Variants in FSTL4 observed in about 807,000 individuals in gnomAD.
FSTL4 encodes follistatin-related protein 4.
A neutral mutation model predicts 78.2 loss-of-function variants in FSTL4; 28 were observed. That is an observed-to-expected ratio of 0.36 (90% CI 0.27 to 0.49). The LOEUF is 0.49. Among genes scored for constraint, FSTL4 ranks in the 20% least tolerant of loss-of-function variants. The pLI is 0.98. For missense variants in FSTL4, 922 were observed against 1,084.9 expected (o/e 0.85, Z 2.11); for synonymous variants, 422 against 440.5 (o/e 0.96, Z 0.53).
intron 6 of FSTL4, among the ~76,000 whole-genome samples, chr5:133,267,819 T>C (rs2126843075): frequency 6.6e-6 from 1 of 152,190 alleles, no homozygotes; most frequent in African/African-American, 2.4e-5. Context: ...AAGAAGGTCA[T>C]GAGACATAGG....
chr5:133,570,736 T>A (rs1372058727), intron 2 of FSTL4, among the ~76,000 whole-genome samples: 1 of 152,174 alleles, frequency 6.6e-6, no homozygotes, highest in East Asian at 1.9e-4. Context: ...AAAAAAAGTT[T>A]TTGAAGGCAT....
chr5:133,404,772 G>A (rs948836388), intron 3 of FSTL4, among the ~76,000 whole-genome samples: 6 of 152,166 alleles, frequency 3.9e-5, no homozygotes, highest in Admixed American at 3.9e-4. Flanking sequence ...GCCCCAGAGA[G>A]AGTGAGTCTA....
intron 3 of FSTL4, among the ~76,000 whole-genome samples, chr5:133,422,929 C>A (rs1318875354): frequency 6.6e-6 from 1 of 152,208 alleles, no homozygotes; most frequent in African/African-American, 2.4e-5. Flanking sequence ...GTCTTAGAAA[C>A]AACACCCAAG....
At chr5:133,410,897 G>A (rs1756465204) in intron 3 of FSTL4, among the ~76,000 whole-genome samples, 1 of 152,142 alleles carries the variant, frequency 6.6e-6, no homozygotes, top group Non-Finnish European at 1.5e-5. Context: ...AACAATATCG[G>A]ACAATCTGAT....
intron 4 of FSTL4, among the ~76,000 whole-genome samples, chr5:133,383,631 A>C (rs539270766): frequency 1.3e-5 from 2 of 152,146 alleles, no homozygotes; most frequent in African/African-American, 4.8e-5. Context: ...GGGACACCTC[A>C]AACATTTGCT....
At chr5:133,253,984 C>T (rs191736699) in intron 6 of FSTL4, among the ~76,000 whole-genome samples, 1 of 152,304 alleles carries the variant, frequency 6.6e-6, no homozygotes, top group East Asian at 1.9e-4. Context: ...AAGATGACCT[C>T]ATGGGATGTT....
At chr5:133,676,722 A>G in the FSTL4 span, among the ~76,000 whole-genome samples, 1 of 152,240 alleles carries the variant, frequency 6.6e-6, no homozygotes, top group Non-Finnish European at 1.5e-5. Context: ...TTAGAATAAA[A>G]CTGAGTCAAT....
At chr5:133,525,960 G>A (rs1271062779) in intron 3 of FSTL4, among the ~76,000 whole-genome samples, 2 of 152,182 alleles carry the variant, frequency 1.3e-5, no homozygotes, top group Non-Finnish European at 2.9e-5. Flanking sequence ...TACATGCTCA[G>A]CACTGTGCTG....
intron 2 of FSTL4, among the ~76,000 whole-genome samples, chr5:133,568,537 A>T (rs903308375): frequency 3.5e-4 from 54 of 152,352 alleles, no homozygotes; most frequent in African/African-American, 1.2e-3. Flanking sequence ...CTGAGCAAAA[A>T]GCCCTGGTGG....
chr5:133,675,051 G>T, the FSTL4 span, among the ~76,000 whole-genome samples: 1 of 152,090 alleles, frequency 6.6e-6, no homozygotes, highest in Non-Finnish European at 1.5e-5. Flanking sequence ...GTCGTGATTT[G>T]TTCTCTAAGA....
At chr5:133,785,186 A>G in the FSTL4 span, among the ~76,000 whole-genome samples, 1 of 152,310 alleles carries the variant, frequency 6.6e-6, no homozygotes, top group Admixed American at 6.5e-5. Context: ...CCCACTGAGG[A>G]CATGCTGGTG....
intron 6 of FSTL4, among the ~76,000 whole-genome samples, chr5:133,273,592 C>T (rs1752815894): frequency 6.6e-6 from 1 of 152,160 alleles, no homozygotes; most frequent in South Asian, 2.1e-4. Flanking sequence ...CCAAGGGGTG[C>T]AGAACAGTGG....
In FSTL4 at chr5:133,502,335, C is replaced by T. The variant is rs80331439; in HGVS notation, c.160+64851G>A. On this transcript the variant is annotated intron_variant, in intron 3 of 15. Coordinates refer to ENST00000265342, the MANE Select transcript of FSTL4 (RefSeq NM_015082.2). The stretch of plus-strand genomic sequence containing the variant: ...AAGGGAATCAAATCCTGACAAGGAT[C>T]TAACATGCCACTGCCAATTTGAAGA... Among the ~76,000 whole-genome samples, 164 of 152,322 alleles carry T rather than the reference C, an allele frequency of 1.1e-3. 2 individuals are homozygous for T. Among genetic ancestry groups the T allele is most frequent in the African/African-American group, 3.8e-3 (159 of 41,568 alleles).
At chr5:133,627,832 A>C in the FSTL4 span, among the ~76,000 whole-genome samples, 1 of 151,666 alleles carries the variant, frequency 6.6e-6, no homozygotes, top group African/African-American at 2.4e-5. Context: ...CTTTCACATT[A>C]AACTTCTAAG....
intron 6 of FSTL4, among the ~76,000 whole-genome samples, chr5:133,308,670 A>T (rs1753708122): frequency 6.6e-6 from 1 of 152,244 alleles, no homozygotes; most frequent in Admixed American, 6.5e-5. Flanking sequence ...GTGAAAAAAC[A>T]GATGTAAATT....
At chr5:133,577,315 C>T (rs377344313) in intron 2 of FSTL4, among the ~76,000 whole-genome samples, 110 of 152,234 alleles carry the variant, frequency 7.2e-4, no homozygotes, top group African/African-American at 2.3e-3. Flanking sequence ...TGAAAAACAC[C>T]GAAGGGGTGC....
chr5:133,347,814 T>C (rs1183504525), intron 4 of FSTL4, among the ~76,000 whole-genome samples: 1 of 152,244 alleles, frequency 6.6e-6, no homozygotes, highest in Non-Finnish European at 1.5e-5. Context: ...AGGTATGTTA[T>C]AGCTGCATTA....
chr5:133,488,275 G>T (rs981455409), intron 3 of FSTL4, among the ~76,000 whole-genome samples: 3 of 151,872 alleles, frequency 2.0e-5, no homozygotes, highest in Non-Finnish European at 4.4e-5. Flanking sequence ...CTTTTTTTGA[G>T]ATGGAGTCTC....
the FSTL4 span, among the ~76,000 whole-genome samples, chr5:133,633,610 G>C: frequency 6.6e-6 from 1 of 152,026 alleles, no homozygotes; most frequent in Non-Finnish European, 1.5e-5. Flanking sequence ...TGCCATTTCA[G>C]TGTTGGCATC....
Sources: allele counts gnomAD v4.1 joint callset (sites outside exome capture counted in the v4.1 genomes callset), GRCh38; gene constraint gnomAD v4.1.1; transcripts MANE v1.5; gene names NCBI Gene and HGNC (gene_info 2026-07-23, HGNC 2026-07-21).